Variants in CTNNA2 observed in about 807,000 individuals in gnomAD.
CTNNA2 encodes catenin alpha-2.
Under a neutral mutation model 101.0 loss-of-function variants are expected in CTNNA2, and 42 were observed. That is an observed-to-expected ratio of 0.42 (90% CI 0.32 to 0.54). The LOEUF is 0.54. Ranked by LOEUF, CTNNA2 falls within the 20% of genes least tolerant of loss-of-function variation. The probability of loss-of-function intolerance (pLI) is 0.14; values close to 1 mark genes in which losing one functional copy is unlikely to be tolerated. For missense variants in CTNNA2, 871 were observed against 1,223.1 expected (o/e 0.71, Z 4.29); for synonymous variants, 450 against 456.4 (o/e 0.99, Z 0.18).
chr2:79,264,111 C>T (rs1408804647), intron 2 of CTNNA2, among the ~76,000 whole-genome samples: 2 of 152,088 alleles, frequency 1.3e-5, no homozygotes, highest in African/African-American at 2.4e-5. Context: ...CAACTCAGGA[C>T]GAAAATAATA....
At chr2:80,277,456 C>A (rs114027617) in intron 7 of CTNNA2, among the ~76,000 whole-genome samples, 4 of 149,966 alleles carry the variant, frequency 2.7e-5, no homozygotes, top group Non-Finnish European at 5.9e-5. Context: ...CCTATGAATC[C>A]CACCATGAAT....
chr2:80,077,064 A>C (rs995768320), intron 7 of CTNNA2, among the ~76,000 whole-genome samples: 14 of 152,018 alleles, frequency 9.2e-5, no homozygotes, highest in Non-Finnish European at 5.9e-5. Context: ...CAAACAAACA[A>C]AAGTTAGAGA....
chr2:79,760,975 A>G (rs1162779385), intron 3 of CTNNA2, among the ~76,000 whole-genome samples: 1 of 152,176 alleles, frequency 6.6e-6, no homozygotes, highest in Non-Finnish European at 1.5e-5. Flanking sequence ...GGCGCAAGTC[A>G]GCCTTTATGT....
intron 9 of CTNNA2, among the ~76,000 whole-genome samples, chr2:80,489,627 G>T (rs1478875358): frequency 6.6e-6 from 1 of 152,120 alleles, no homozygotes; most frequent in Non-Finnish European, 1.5e-5. Context: ...TGGTAGGTTG[G>T]TTTTTGAATG....
chr2:80,628,042 A>G (rs1311342679), intron 18 of CTNNA2, among the ~76,000 whole-genome samples: 2 of 152,182 alleles, frequency 1.3e-5, no homozygotes, highest in African/African-American at 4.8e-5. Context: ...AATACCTAGC[A>G]ATACAACTTG....
chr2:80,104,243 A>G (rs1279625717), intron 7 of CTNNA2, among the ~76,000 whole-genome samples: 1 of 152,158 alleles, frequency 6.6e-6, no homozygotes, highest in East Asian at 1.9e-4. Context: ...TGCTACTCTT[A>G]TTTATCAGCT....
chr2:80,534,340 T>C (rs928669102), intron 9 of CTNNA2, among the ~76,000 whole-genome samples: 2 of 152,194 alleles, frequency 1.3e-5, no homozygotes, highest in African/African-American at 4.8e-5. Context: ...TATGCTAATT[T>C]GATGATAAAC....
At chr2:79,767,604 T>C (rs2105122730) in intron 3 of CTNNA2, among the ~76,000 whole-genome samples, 1 of 152,138 alleles carries the variant, frequency 6.6e-6, no homozygotes, top group East Asian at 2.0e-4. Flanking sequence ...CATGTAGAGG[T>C]ACTGCCTCGA....
intron 1 of CTNNA2, among the ~76,000 whole-genome samples, chr2:79,539,227 G>GTTT (rs1558711239): frequency 1.2e-4 from 18 of 152,086 alleles, no homozygotes; most frequent in African/African-American, 4.3e-4. Context: ...TAGGAGTGAG[G>GTTT]CATGCAAATG....
intron 1 of CTNNA2, among the ~76,000 whole-genome samples, chr2:79,556,844 A>G (rs747034466): frequency 7.9e-5 from 12 of 152,052 alleles, no homozygotes; most frequent in African/African-American, 1.2e-4. Context: ...GACAGTCAAT[A>G]TAAGATTTAT....
intron 1 of CTNNA2, among the ~76,000 whole-genome samples, chr2:79,189,893 T>C (rs1296201265): frequency 6.6e-6 from 1 of 152,130 alleles, no homozygotes; most frequent in African/African-American, 2.4e-5. Context: ...ATAAAGAATT[T>C]TCTGAAGCAA....
chr2:80,480,270 G>A (rs1245221855), intron 9 of CTNNA2, among the ~76,000 whole-genome samples: 1 of 151,872 alleles, frequency 6.6e-6, no homozygotes, highest in African/African-American at 2.4e-5. Context: ...ATCTACCAGA[G>A]GTGAGAAGGC....
intron 7 of CTNNA2, among the ~76,000 whole-genome samples, chr2:80,026,922 G>A (rs1360144425): frequency 6.6e-6 from 1 of 152,120 alleles, no homozygotes; most frequent in Non-Finnish European, 1.5e-5. Context: ...TGGCATCTGG[G>A]AATTCAGCCA....
At chr2:80,384,964 G>A (rs1011741561) in intron 7 of CTNNA2, among the ~76,000 whole-genome samples, 1 of 152,074 alleles carries the variant, frequency 6.6e-6, no homozygotes, top group African/African-American at 2.4e-5. Context: ...TTAACTCATG[G>A]CACCAGGTAA....
intron 7 of CTNNA2, among the ~76,000 whole-genome samples, chr2:79,994,611 A>G (rs781023523): frequency 6.6e-6 from 1 of 152,104 alleles, no homozygotes; most frequent in Non-Finnish European, 1.5e-5. Context: ...TTTGAAGTCT[A>G]GGGGAAATGG....
chr2:79,520,051 A>G, intron 1 of CTNNA2, among the ~76,000 whole-genome samples: 1 of 152,240 alleles, frequency 6.6e-6, no homozygotes, highest in Non-Finnish European at 1.5e-5. Context: ...ATTTCAGAGG[A>G]CCTGGTGGTC....
chr2:80,438,349 A>T (rs1038823443), intron 9 of CTNNA2, among the ~76,000 whole-genome samples: 1 of 152,040 alleles, frequency 6.6e-6, no homozygotes, highest in Non-Finnish European at 1.5e-5. Context: ...GGGCTTCAAC[A>T]TATGAATTCT....
At chr2:79,711,375 A>G (rs1007404035) in intron 2 of CTNNA2, among the ~76,000 whole-genome samples, 3 of 152,078 alleles carry the variant, frequency 2.0e-5, no homozygotes, top group Admixed American at 6.6e-5. Context: ...CTTGGTTTCT[A>G]TGCTCTCATC....
chr2:80,352,881 A>G (rs1419856983), intron 7 of CTNNA2, among the ~76,000 whole-genome samples: 1 of 151,960 alleles, frequency 6.6e-6, no homozygotes, highest in African/African-American at 2.4e-5. Flanking sequence ...CTCCACTGTA[A>G]TTTCCCATGA....
Sources: gnomAD v4.1 joint callset for allele counts (sites outside exome capture counted in the v4.1 genomes callset) on GRCh38, gnomAD v4.1.1 for gene constraint, MANE v1.5 for transcripts, NCBI Gene and HGNC (gene_info 2026-07-23, HGNC 2026-07-21) for gene names.